The following GCC1 variants were observed in gnomAD, a reference collection of about 807,000 sequenced individuals.
The protein encoded by GCC1 is GRIP and coiled-coil domain containing 1, also known as GRIP and coiled-coil domain-containing protein 1.
In GCC1, 36 loss-of-function variants were observed where a neutral mutation model predicts 62.5. That is an observed-to-expected ratio of 0.58 (90% CI 0.44 to 0.76). The LOEUF is 0.76. GCC1 is among the 30% of genes least tolerant of loss of function. The pLI is 0.00. For synonymous variants in GCC1, 391 were observed against 386.8 expected (o/e 1.01, Z -0.13); for missense variants, 885 against 948.3 (o/e 0.93, Z 0.88).
Position 127,582,782 on chromosome 7 carries a change from G to A in GCC1, c.1560C>T (p.Ala520=). The A allele has an allele frequency of 1.9e-6, 3 of 1,614,154 alleles. No homozygotes were observed. The highest frequency in any genetic ancestry group is 2.5e-6 in the Non-Finnish European group (3 of 1,180,030). Residue 520 remains alanine (A), a synonymous_variant, in exon 2 of 2, where the codon GCC becomes GCT. Transcript: ENST00000321407. This position sits in a 1 kb window ranked among gnomAD's most constrained non-coding sequence, Gnocchi z 4.8. The stretch of plus-strand genomic sequence containing the variant: ...CCTTCAGCTCTGCAAGCTGTTCCTG[G>A]GCTGCCTCCAGCTCCTTTCCCAGGT... ...DGNLGKELEA[A]QEQLAELKEK...
rs1456606661 is a variant in GCC1, at chr7:127,585,430, G to A, written c.-248C>T. 4 of 529,962 alleles carry A rather than the reference G, an allele frequency of 7.5e-6. No homozygotes were observed. The highest frequency in any genetic ancestry group is 5.8e-5 in the African/African-American group (3 of 51,944). The allele number at this position is 529,962 out of a possible 1,614,324, so 32.8% of individuals were successfully genotyped here. Reference sequence around the variant, plus strand: ...GAGGCGGGGCGACACTGGCACCAGAGGTGCGCACTGCCAGGGCTCGTTAGC... The same window carrying A: ...GAGGCGGGGCGACACTGGCACCAGAAGTGCGCACTGCCAGGGCTCGTTAGC... On this transcript the variant is annotated 5_prime_UTR_variant, in exon 1 of 2. Transcript: ENST00000321407.
chr7:127,582,915 G>A lies in GCC1; in HGVS notation c.1427C>T (p.Ala476Val). Residue 476 changes from alanine (A) to valine (V), a missense_variant, in exon 2 of 2, where the codon GCT becomes GTT. Coordinates refer to ENST00000321407, the MANE Select transcript of GCC1 (RefSeq NM_024523.6). This position sits in a 1 kb window ranked among gnomAD's most constrained non-coding sequence, Gnocchi z 4.8. The part of the protein sequence containing the change: ...PSSEAADGEK[A>V]TALYYQQELK... ...CTCCTGTTGGTAATAGAGTGCAGTAGCCTTCTCCCCATCAGCAGCCTCCGA... is the reference window on the plus strand; with the variant it reads ...CTCCTGTTGGTAATAGAGTGCAGTAACCTTCTCCCCATCAGCAGCCTCCGA... The A allele has an allele frequency of 6.2e-7, 1 of 1,614,134 alleles. No individual in the cohort carries two copies. Among genetic ancestry groups the A allele is most frequent in the Non-Finnish European group, 8.5e-7 (1 of 1,180,026 alleles).
At chr7:127,584,080 G>T in intron 1 of GCC1, 71 bp downstream of exon 1, 1 of 1,374,104 alleles carries the variant, frequency 7.3e-7, no homozygotes, top group South Asian at 1.3e-5. Flanking sequence ...AACTAGCAAA[G>T]GAGGAAAAAA....
chr7:127,583,207 T>C lies in GCC1; in HGVS notation c.1135A>G (p.Thr379Ala). Reference sequence around the variant, plus strand: ...TCCTTCTGCTTGGCTTTCTCGTAGGTGCCTAGCAGCTCAGACACCTCGGAT... The same window carrying C: ...TCCTTCTGCTTGGCTTTCTCGTAGGCGCCTAGCAGCTCAGACACCTCGGAT... ...QISEVSELLGTYEKAKQKDQL... is the reference protein window; with the variant it reads ...QISEVSELLGAYEKAKQKDQL... The change falls in exon 2 of 2, where the codon ACC becomes GCC. Residue 379 changes from threonine (T) to alanine (A), a missense_variant. Physicochemically the swap from Thr to Ala is moderately conservative, Grantham distance 58 (BLOSUM62 0). Coordinates refer to ENST00000321407, the MANE Select transcript of GCC1 (RefSeq NM_024523.6). 1 of 1,613,906 alleles carries C rather than the reference T, an allele frequency of 6.2e-7. No homozygotes were observed. The highest frequency in any genetic ancestry group is 8.5e-7 in the Non-Finnish European group (1 of 1,179,988).
In GCC1 at chr7:127,585,228, GGA is replaced by G. The variant is rs763883447; in HGVS notation, c.-48_-47del. 2.0e-4 allele frequency: 298 copies of G among 1,512,886 alleles called. No individual in the cohort carries two copies. Among genetic ancestry groups the G allele is most frequent in the Non-Finnish European group, 2.5e-4 (284 of 1,131,058 alleles). 93.7% of individuals were successfully genotyped at this position (1,512,886 alleles called of 1,614,324 possible). The stretch of plus-strand genomic sequence containing the variant: ...CCCACGTCAGCTTTCCAGCAGAACG[GGA>G]GAGGGCCGTGAAGACGCAGGCGGGG... On this transcript the variant is annotated 5_prime_UTR_variant, in exon 1 of 2. Coordinates refer to ENST00000321407, the MANE Select transcript of GCC1 (RefSeq NM_024523.6).
rs375254345 is a variant in GCC1, at chr7:127,584,523, C to T, written c.660G>A (p.Glu220=). 1.1e-5 allele frequency: 17 copies of T among 1,614,090 alleles called. No individual in the cohort carries two copies. In the African/African-American group the frequency reaches 1.6e-4, roughly 15 times the overall value. Reference sequence around the variant, plus strand: ...GCCGGGCTTTGGTTTCTGCTATTTGCTCCTGCAGCCCCTTCAATTCTCCCT... The same window carrying T: ...GCCGGGCTTTGGTTTCTGCTATTTGTTCCTGCAGCCCCTTCAATTCTCCCT... The part of the protein sequence containing the change: ...RLEGELKGLQ[E]QIAETKARLI... Residue 220 remains glutamate, a synonymous_variant, in exon 1 of 2, where the codon GAG becomes GAA. Coordinates refer to ENST00000321407, the MANE Select transcript of GCC1 (RefSeq NM_024523.6).
In GCC1 at chr7:127,582,561, G is replaced by T. The variant is rs1371878654; in HGVS notation, c.1781C>A (p.Ala594Asp). The part of the protein sequence containing the change: ...ELHKQRDRAL[A>D]VLTEKDLELE... The stretch of plus-strand genomic sequence containing the variant: ...TTCCAAGTCCTTCTCGGTGAGCACA[G>T]CTAGGGCACGATCCCGCTGCTTGTG... Residue 594 changes from alanine (A) to aspartate (D), a missense_variant, in exon 2 of 2, where the codon GCT becomes GAT. By Grantham distance (126) the Ala-to-Asp change is moderately radical. Transcript: ENST00000321407. The surrounding 1 kb of genome is among the most constrained non-coding windows in gnomAD (Gnocchi z 4.8). 3.1e-6 allele frequency: 5 copies of T among 1,611,474 alleles called. No homozygotes were observed. Among genetic ancestry groups the T allele is most frequent in the Non-Finnish European group, 4.2e-6 (5 of 1,180,024 alleles).
chr7:127,585,017 T>A lies in GCC1; in HGVS notation c.166A>T (p.Ile56Phe), dbSNP rs1562952628. The stretch of plus-strand genomic sequence containing the variant: ...TCGTGGGATACCGACAGCACCTTGA[T>A]GCTGGCCTCTAATGCCTCTTTCTCC... The part of the protein sequence containing the change: ...LKEKEALEAS[I>F]KVLSVSHEAD... Residue 56 changes from isoleucine to phenylalanine, a missense_variant, in exon 1 of 2, where the codon ATC becomes TTC. Ile to Phe is a conservative substitution (Grantham distance 21). Transcript: ENST00000321407. 2 of 1,614,246 alleles carry A rather than the reference T, an allele frequency of 1.2e-6. No homozygotes were observed. Among genetic ancestry groups the A allele is most frequent in the South Asian group, 2.2e-5 (2 of 91,088 alleles).
rs774316669 is a variant in GCC1, at chr7:127,585,036, T to C, written c.147A>G (p.Lys49=). 1 of 1,614,206 alleles carries C rather than the reference T, an allele frequency of 6.2e-7. No individual in the cohort carries two copies. The highest frequency in any genetic ancestry group is 1.1e-5 in the South Asian group (1 of 91,084). The change falls in exon 1 of 2, where the codon AAA becomes AAG. Residue 49 remains lysine, a synonymous_variant. Coordinates refer to ENST00000321407, the MANE Select transcript of GCC1 (RefSeq NM_024523.6). ...VRAYKSLLKE[K]EALEASIKVL... is the part of the protein sequence containing the mutation. ...CCTTGATGCTGGCCTCTAATGCCTC[T>C]TTCTCCTTCAGCAGGCTTTTATAGG... is the stretch of plus-strand genomic sequence containing the variant.
In GCC1 at chr7:127,584,401, C is replaced by T. The variant is rs372138184; in HGVS notation, c.782G>A (p.Arg261His). ...QKLLQEERTQ[R>H]QDLELRLEET... is the part of the protein sequence containing the mutation. ...TTCTAACCTAAGCTCCAAGTCCTGG[C>T]GCTGGGTCCTCTCCTCCTGCAGCAG... Residue 261 changes from arginine to histidine, a missense_variant, in exon 1 of 2, where the codon CGC becomes CAC. Coordinates refer to ENST00000321407, the MANE Select transcript of GCC1 (RefSeq NM_024523.6). 30 of 1,613,908 alleles carry T rather than the reference C, an allele frequency of 1.9e-5. No individual in the cohort carries two copies. Among genetic ancestry groups the T allele is most frequent in the Middle Eastern group, 3.3e-4 (2 of 6,084 alleles).
chr7:127,582,226 T>C lies in GCC1; in HGVS notation c.2116A>G (p.Ile706Val), dbSNP rs771413693. 3 of 1,614,198 alleles carry C rather than the reference T, an allele frequency of 1.9e-6. No homozygotes were observed. Among genetic ancestry groups the C allele is most frequent in the South Asian group, 1.1e-5 (1 of 91,082 alleles). ...CTCTGGTCCCTGATGTTCTTTTCGATGTGGCTCTGCAGGGCTGCAACCTCC... is the reference window on the plus strand; with the variant it reads ...CTCTGGTCCCTGATGTTCTTTTCGACGTGGCTCTGCAGGGCTGCAACCTCC... ...REEVAALQSH[I>V]EKNIRDQSRE... is the part of the protein sequence containing the mutation. Residue 706 changes from isoleucine (I) to valine (V), a missense_variant, in exon 2 of 2, where the codon ATC becomes GTC. Physicochemically the swap from Ile to Val is conservative, Grantham distance 29. Coordinates refer to ENST00000321407, the MANE Select transcript of GCC1 (RefSeq NM_024523.6). The surrounding 1 kb of genome is among the most constrained non-coding windows in gnomAD (Gnocchi z 4.8).
Position 127,584,921 on chromosome 7 carries a change from A to G in GCC1, c.262T>C (p.Ser88Pro). 1.9e-6 allele frequency: 3 copies of G among 1,614,082 alleles called. No individual in the cohort carries two copies. The South Asian group carries it at 3.3e-5, about 18-fold the overall frequency. ...TFPDSVDDRC[S>P]THSEDSTGTA... ...CCAGTGCTATCCTCGCTGTGAGTGG[A>G]GCACCGGTCATCCACAGAGTCAGGA... The change falls in exon 1 of 2, where the codon TCC becomes CCC. Residue 88 changes from serine (S) to proline (P), a missense_variant. By Grantham distance (74) the Ser-to-Pro change is moderately conservative. Transcript: ENST00000321407.
rs1437897570 is a variant in GCC1, at chr7:127,584,697, C to T, written c.486G>A (p.Lys162=). 6.2e-7 allele frequency: 1 copy of T among 1,614,210 alleles called. No individual in the cohort carries two copies. The highest frequency in any genetic ancestry group is 8.5e-7 in the Non-Finnish European group (1 of 1,180,038). Residue 162 remains lysine, a synonymous_variant, in exon 1 of 2, where the codon AAG becomes AAA. Coordinates refer to ENST00000321407, the MANE Select transcript of GCC1 (RefSeq NM_024523.6). The part of the protein sequence containing the change: ...GEVDKRLHQL[K]TQLATLTSSL... ...AACTGGTCAAAGTAGCCAACTGAGT[C>T]TTCAGCTGGTGCAGTCTTTTGTCCA...
chr7:127,582,022 T>C lies in GCC1; in HGVS notation c.2320A>G (p.Lys774Glu), dbSNP rs1794139391. ...AATTCATGAAAATGGCATCATCTCT[T>C]GCCAGAAGGCCACCAGCTGGCACTG... ...PTSASWWPSG[K>E]R Residue 774 changes from lysine (K) to glutamate (E), a missense_variant, in exon 2 of 2, where the codon AAG becomes GAG. Lys to Glu is a moderately conservative substitution (Grantham distance 56, BLOSUM62 1). Coordinates refer to ENST00000321407, the MANE Select transcript of GCC1 (RefSeq NM_024523.6). The surrounding 1 kb of genome is among the most constrained non-coding windows in gnomAD (Gnocchi z 4.8). The C allele has an allele frequency of 6.2e-7, 1 of 1,610,272 alleles. No homozygotes were observed. The highest frequency in any genetic ancestry group is 8.5e-7 in the Non-Finnish European group (1 of 1,176,930).
rs1187594854 is a variant in GCC1, at chr7:127,582,449, A to C, written c.1893T>G (p.Ala631=). The C allele has an allele frequency of 6.2e-7, 1 of 1,614,106 alleles. No homozygotes were observed. The highest frequency in any genetic ancestry group is 8.5e-7 in the Non-Finnish European group (1 of 1,180,026). The change falls in exon 2 of 2, where the codon GCT becomes GCG. Residue 631 remains alanine, a synonymous_variant. Coordinates refer to ENST00000321407, the MANE Select transcript of GCC1 (RefSeq NM_024523.6). The surrounding 1 kb of genome is among the most constrained non-coding windows in gnomAD (Gnocchi z 4.8). ...PVGGGGPGDP[A]DTSSSDSLTQ... ...TCAGGCTATCAGAGGATGATGTGTC[A>C]GCTGGGTCCCCAGGACCGCCACCAC...
In GCC1 at chr7:127,580,970, C is replaced by G. The variant is rs950351515; in HGVS notation, c.*1044G>C. 6.6e-6 allele frequency: 1 copy of G among 152,198 alleles called. No homozygotes were observed. The highest frequency in any genetic ancestry group is 2.4e-5 in the African/African-American group (1 of 41,452). The allele number at this position is 152,198 out of a possible 1,614,324, so 9.4% of individuals were successfully genotyped here. ...CTTTTCTTAAAAGAGCAGGATTAAT[C>G]TACTTATGCCAAGACCCACTGGGCA... On this transcript the variant is annotated 3_prime_UTR_variant, in exon 2 of 2. Coordinates refer to ENST00000321407, the MANE Select transcript of GCC1 (RefSeq NM_024523.6).
chr7:127,585,413 G>A lies in GCC1; in HGVS notation c.-231C>T. ...GGGCGGATTCTACCCCGGAGGCGGG[G>A]CGACACTGGCACCAGAGGTGCGCAC... is the stretch of plus-strand genomic sequence containing the variant. On this transcript the variant is annotated 5_prime_UTR_variant, in exon 1 of 2. Coordinates refer to ENST00000321407, the MANE Select transcript of GCC1 (RefSeq NM_024523.6). 1.8e-6 allele frequency: 1 copy of A among 553,620 alleles called. No homozygotes were observed. Among genetic ancestry groups the A allele is most frequent in the Admixed American group, 3.5e-5 (1 of 28,720 alleles). The allele number at this position is 553,620 out of a possible 1,614,324, so 34.3% of individuals were successfully genotyped here.
rs957067518 is a variant in GCC1 at position 127,581,011 on chromosome 7, C to G, written c.*1003G>C. 1 of 152,178 alleles carries G rather than the reference C, an allele frequency of 6.6e-6. No homozygotes were observed. The highest frequency in any genetic ancestry group is 1.5e-5 in the Non-Finnish European group (1 of 68,038). 9.4% of individuals were successfully genotyped at this position (152,178 alleles called of 1,614,324 possible). A position where few individuals can be genotyped will look rare whatever the true frequency, so the allele number is the denominator to read the frequency against. Reference sequence around the variant, plus strand: ...CCACTGGGCAGAAAGCACCCCAACCCAGGTTTAGCTGATCTTTACCACTTC... The same window carrying G: ...CCACTGGGCAGAAAGCACCCCAACCGAGGTTTAGCTGATCTTTACCACTTC... On this transcript the variant is annotated 3_prime_UTR_variant, in exon 2 of 2. Transcript: ENST00000321407.
chr7:127,584,808 T>C lies in GCC1; in HGVS notation c.375A>G (p.Pro125=), dbSNP rs762723715. The stretch of plus-strand genomic sequence containing the variant: ...TGGCCTCTTCGGACTTTGGAGGTGG[T>C]GGTCCACGGGCCGGTCTGTCATCTT... The part of the protein sequence containing the change: ...GVEDDRPARG[P]PPPKSEEASW... Residue 125 remains proline, a synonymous_variant, in exon 1 of 2, where the codon CCA becomes CCG. Coordinates refer to ENST00000321407, the MANE Select transcript of GCC1 (RefSeq NM_024523.6). 6.2e-7 allele frequency: 1 copy of C among 1,614,166 alleles called. No individual in the cohort carries two copies. The highest frequency in any genetic ancestry group is 8.5e-7 in the Non-Finnish European group (1 of 1,180,026).
Sources: gnomAD v4.1 joint callset for allele counts on GRCh38, gnomAD v4.1.1 for gene constraint, Gnocchi (gnomAD v3.1) non-coding constraint, MANE v1.5 for transcripts, NCBI Gene and HGNC (gene_info 2026-07-23, HGNC 2026-07-21) for gene names.